The following TXNDC5 variants were observed in gnomAD, a reference collection of about 807,000 sequenced individuals.
TXNDC5 encodes thioredoxin domain containing 5.
A neutral mutation model predicts 52.6 loss-of-function variants in TXNDC5; 44 were observed. The ratio of observed to expected loss-of-function variants is 0.84; its 90% confidence interval spans 0.66 to 1.08. The LOEUF is 1.08. Among genes scored for constraint, TXNDC5 ranks in the 50% least tolerant of loss-of-function variants. TXNDC5 has a pLI of 0.00. For missense variants in TXNDC5, 600 were observed against 565.5 expected (o/e 1.06, Z -0.62); for synonymous variants, 241 against 234.4 (o/e 1.03, Z -0.26).
chr6:7,893,953 T>C (rs1349127355), intron 4 of TXNDC5, among the ~76,000 whole-genome samples: 1 of 152,230 alleles, frequency 6.6e-6, no homozygotes, highest in Non-Finnish European at 1.5e-5. Flanking sequence ...AACACATCTA[T>C]GTGTGAATAA....
At chr6:7,899,841 G>A in intron 2 of TXNDC5, 160 bp from the exon 3 acceptor site, 1 of 535,116 alleles carries the variant, frequency 1.9e-6, no homozygotes, top group East Asian at 3.2e-5. Context: ...TAACGTTCCA[G>A]GAGATAATAC....
In TXNDC5 at chr6:7,888,801, G is replaced by C; in HGVS notation, c.867C>G (p.Tyr289Ter). The C allele has an allele frequency of 6.2e-7, 1 of 1,614,092 alleles. No individual in the cohort carries two copies. Among genetic ancestry groups the C allele is most frequent in the Non-Finnish European group, 8.5e-7 (1 of 1,179,992 alleles). ...GKRDLESLREYVESQLQRTET... is the reference protein window; with the variant it reads ...GKRDLESLRE Reference sequence around the variant, plus strand: ...CTGTGCGCTGCAGCTGCGACTCCACGTACTCCCTCAGTGACTCCAAATCCC... The same window carrying C: ...CTGTGCGCTGCAGCTGCGACTCCACCTACTCCCTCAGTGACTCCAAATCCC... The change falls in exon 7 of 10, where the codon TAC becomes TAG. Residue 289 changes from tyrosine to a stop codon, truncating the protein, a stop_gained. Coordinates refer to ENST00000379757, the MANE Select transcript of TXNDC5 (RefSeq NM_030810.5). LOFTEE classifies it high-confidence loss of function.
intron 9 of TXNDC5, among the ~76,000 whole-genome samples, 169 bp from the exon 10 acceptor site, chr6:7,883,435 C>G (rs1057085500): frequency 6.6e-6 from 1 of 152,202 alleles, no homozygotes; most frequent in African/African-American, 2.4e-5. Flanking sequence ...GTTTAGAAAG[C>G]ACAGCCGTGG....
At chr6:7,906,425 A>G (rs6905413) in intron 1 of TXNDC5, among the ~76,000 whole-genome samples, 17,408 of 151,166 alleles carry the variant, frequency 0.12, 1,166 homozygotes, top group African/African-American at 0.2. Context: ...AATCTCAGCT[A>G]CTCAGGAGGC....
chr6:7,896,687 C>T (rs1176264062), intron 3 of TXNDC5, among the ~76,000 whole-genome samples: 3 of 152,138 alleles, frequency 2.0e-5, no homozygotes, highest in Non-Finnish European at 4.4e-5. Flanking sequence ...TCAATGGGTG[C>T]ACATAAGGTG....
In TXNDC5 at chr6:7,897,352, C is replaced by T. The variant is rs558896655; in HGVS notation, c.520-2150G>A. Among the ~76,000 whole-genome samples, 3 of 152,188 alleles carry T rather than the reference C, an allele frequency of 2.0e-5. No homozygotes were observed. The South Asian group carries it at 6.2e-4, about 32-fold the overall frequency. ...CTTAAAAAAATCTAAATTTATCCCA[C>T]GTGAATATTAAAAAATGTATGTACT... On this transcript the variant is annotated intron_variant, in intron 3 of 9. Transcript: ENST00000379757.
chr6:7,891,238 G>A (rs1760179631), intron 5 of TXNDC5, among the ~76,000 whole-genome samples: 1 of 152,168 alleles, frequency 6.6e-6, no homozygotes, highest in African/African-American at 2.4e-5. Context: ...GCTTGGGGGA[G>A]CACAGAGCCA....
chr6:7,897,903 T>C (rs1760427782), intron 3 of TXNDC5, among the ~76,000 whole-genome samples: 2 of 152,220 alleles, frequency 1.3e-5, no homozygotes, highest in Admixed American at 6.5e-5. Context: ...AATGTCCAAT[T>C]GAAAACTATG....
intron 1 of TXNDC5, among the ~76,000 whole-genome samples, chr6:7,905,304 T>C (rs2113368087): frequency 6.6e-6 from 1 of 152,342 alleles, no homozygotes; most frequent in East Asian, 1.9e-4. Flanking sequence ...CACTTCCTGC[T>C]GTATCTGCTA....
At chr6:7,898,244 C>T (rs1197219920) in intron 3 of TXNDC5, among the ~76,000 whole-genome samples, 1 of 152,060 alleles carries the variant, frequency 6.6e-6, no homozygotes, top group Non-Finnish European at 1.5e-5. Context: ...TTAGCAGAGA[C>T]GACGTTTCAC....
chr6:7,909,694 G>A (rs1760848863), intron 1 of TXNDC5: 10 of 844,862 alleles, frequency 1.2e-5, no homozygotes, highest in Non-Finnish European at 1.4e-5. Context: ...AGCTGCAGGG[G>A]GGCGGAGGGG....
At chr6:7,898,789 A>G (rs1332390356) in intron 3 of TXNDC5, among the ~76,000 whole-genome samples, 1 of 152,146 alleles carries the variant, frequency 6.6e-6, no homozygotes, top group Non-Finnish European at 1.5e-5. Context: ...GATTTATAAA[A>G]AAGTGAAGAC....
At chr6:7,906,557 A>AAAAAAAAAC (rs1561816188) in intron 1 of TXNDC5, among the ~76,000 whole-genome samples, 32 of 133,516 alleles carry the variant, frequency 2.4e-4, no homozygotes, top group African/African-American at 1.1e-3. Flanking sequence ...AAAAAAAAAA[A>AAAAAAAAAC]GAAAAACAGA....
At chr6:7,908,587 C>T in intron 1 of TXNDC5, among the ~76,000 whole-genome samples, 1 of 151,782 alleles carries the variant, frequency 6.6e-6, no homozygotes. Context: ...TTTGGGAGGC[C>T]AGGGCAGAAG....
At chr6:7,891,028 A>G (rs1350638108) in intron 5 of TXNDC5, among the ~76,000 whole-genome samples, 1 of 152,226 alleles carries the variant, frequency 6.6e-6, no homozygotes, top group African/African-American at 2.4e-5. Context: ...TTTTTAAGAA[A>G]GGAAATCTAT....
intron 2 of TXNDC5, 73 bp downstream of exon 2, chr6:7,904,501 C>T (rs1760671965): frequency 1.3e-6 from 2 of 1,579,154 alleles, no homozygotes; most frequent in Admixed American, 3.5e-5. Context: ...CACACCTTTA[C>T]CAAAAGTTTA....
chr6:7,890,138 C>T (rs1400044979), intron 5 of TXNDC5, among the ~76,000 whole-genome samples: 3 of 152,198 alleles, frequency 2.0e-5, no homozygotes, highest in South Asian at 2.1e-4. Flanking sequence ...AATTTACCAA[C>T]AAGCACAGCT....
chr6:7,883,979 G>T (rs1759861555), intron 9 of TXNDC5, among the ~76,000 whole-genome samples: 1 of 152,146 alleles, frequency 6.6e-6, no homozygotes, highest in Non-Finnish European at 1.5e-5. Context: ...ATTTTATAAT[G>T]CTGGCTTATG....
chr6:7,895,970 G>GC (rs1243079008), intron 3 of TXNDC5, among the ~76,000 whole-genome samples: 1 of 152,188 alleles, frequency 6.6e-6, no homozygotes. Context: ...TCCTGCCTGG[G>GC]CAACAGAGTG....
Sources: allele counts gnomAD v4.1 joint callset (sites outside exome capture counted in the v4.1 genomes callset), GRCh38; gene constraint gnomAD v4.1.1; transcripts MANE v1.5; gene names NCBI Gene and HGNC (gene_info 2026-07-23, HGNC 2026-07-21).